PTK2: variants seen among roughly 807,000 people sequenced by gnomAD.
PTK2 encodes protein tyrosine kinase 2, also known as focal adhesion kinase 1.
In PTK2, 45 loss-of-function variants were observed where a neutral mutation model predicts 150.1. The ratio of observed to expected loss-of-function variants is 0.30; its 90% CI spans 0.24 to 0.38. The LOEUF is 0.38. PTK2 is among the 10% of genes least tolerant of loss of function. The pLI, the probability that PTK2 is intolerant of heterozygous loss-of-function variation, is 1.00. For synonymous variants in PTK2, 432 were observed against 449.2 expected (o/e 0.96, Z 0.48); for missense variants, 919 against 1,307.3 (o/e 0.70, Z 4.58).
At chr8:140,979,631 C>G (rs569068481) in intron 1 of PTK2, among the ~76,000 whole-genome samples, 4 of 152,152 alleles carry the variant, frequency 2.6e-5, no homozygotes, top group African/African-American at 7.2e-5. Flanking sequence ...GTGTCCCCAC[C>G]CAAATCTCAT....
chr8:140,900,989 C>T (rs1482530153), intron 2 of PTK2, among the ~76,000 whole-genome samples: 1 of 152,140 alleles, frequency 6.6e-6, no homozygotes, highest in Non-Finnish European at 1.5e-5. Flanking sequence ...GGAGACATTA[C>T]ACTACCTGAC....
At chr8:140,703,623 C>T (rs1417457964) in intron 24 of PTK2, among the ~76,000 whole-genome samples, 1 of 152,094 alleles carries the variant, frequency 6.6e-6, no homozygotes, top group African/African-American at 2.4e-5. Context: ...CAAAAATACA[C>T]AAAAAATCCC....
intron 2 of PTK2, among the ~76,000 whole-genome samples, chr8:140,892,200 T>C (rs1398723414): frequency 3.3e-5 from 5 of 151,722 alleles, no homozygotes; most frequent in Admixed American, 2.6e-4. Flanking sequence ...AGAGTGAGAC[T>C]GTCTCAAAAC....
At chr8:140,761,135 C>CT (rs772220673) in intron 16 of PTK2, 30 bp downstream of exon 19, 3 of 1,424,004 alleles carry the variant, frequency 2.1e-6, no homozygotes, top group African/African-American at 2.8e-5. Flanking sequence ...CAAAATTAGT[C>CT]TAGTTGTTTG....
chr8:140,686,759 G>C (rs2100020131), intron 26 of PTK2, 65 bp from the exon 30 acceptor site: 2 of 1,362,524 alleles, frequency 1.5e-6, no homozygotes, highest in African/African-American at 1.5e-5. Context: ...GACAGATTCT[G>C]TATTAAATTC....
intron 5 of PTK2, among the ~76,000 whole-genome samples, chr8:140,860,121 C>T (rs2100135188): frequency 6.6e-6 from 1 of 152,070 alleles, no homozygotes; most frequent in Non-Finnish European, 1.5e-5. Flanking sequence ...CTGTTAATAC[C>T]TTCCACATCC....
intron 1 of PTK2, among the ~76,000 whole-genome samples, chr8:140,944,853 T>C (rs2100177141): frequency 6.6e-6 from 1 of 152,238 alleles, no homozygotes; most frequent in Admixed American, 6.5e-5. Flanking sequence ...TCTTAGCATT[T>C]TGCTTCAGCA....
At chr8:140,736,322 G>T (rs2100052579) in intron 21 of PTK2, among the ~76,000 whole-genome samples, 2 of 152,064 alleles carry the variant, frequency 1.3e-5, no homozygotes, top group Admixed American at 1.3e-4. Context: ...TCTAAACCCT[G>T]GATACATATG....
rs752023035 is a variant in PTK2 at position 140,846,709 on chromosome 8, T to C, written c.451-31A>G. The C allele has an allele frequency of 1.2e-5, 18 of 1,519,394 alleles. No individual in the cohort carries two copies. The Admixed American group carries it at 2.7e-4, about 23-fold the overall frequency. The allele number at this position is 1,519,394 out of a possible 1,614,324, so 94.1% of individuals were successfully genotyped here. ...ACAAAAGGAATGGGAAAAACAACAC[T>C]GTTTTAAAAGAAAAATATTAGATAT... On this transcript the variant is annotated intron_variant, in intron 5 of 31. Transcript: ENST00000522684.
chr8:140,788,383 AAAAC>A (rs777685087), intron 14 of PTK2, among the ~76,000 whole-genome samples: 5 of 152,208 alleles, frequency 3.3e-5, no homozygotes, highest in African/African-American at 4.8e-5. Context: ...CACCATTAAA[AAAAC>A]AAACAAACAA....
At chr8:140,724,315 AT>A (rs2100044587) in intron 22 of PTK2, among the ~76,000 whole-genome samples, 1 of 152,138 alleles carries the variant, frequency 6.6e-6, no homozygotes, top group South Asian at 2.1e-4. Flanking sequence ...TTAGCTCTGT[AT>A]TTTACCTGCC....
chr8:140,800,612 G>A (rs763690232), intron 11 of PTK2, 36 bp from the exon 12 acceptor site: 1 of 1,514,380 alleles, frequency 6.6e-7, no homozygotes, highest in Admixed American at 1.7e-5. Flanking sequence ...AGACTTCATT[G>A]TTCTTCCCAG....
At chr8:140,922,953 A>G (rs2100168098) in intron 2 of PTK2, among the ~76,000 whole-genome samples, 1 of 152,170 alleles carries the variant, frequency 6.6e-6, no homozygotes, top group Admixed American at 6.5e-5. Context: ...GGTGGTGGTG[A>G]CTGGAGCTAA....
chr8:140,746,836 G>A, exon 18 of PTK2: 1 of 1,612,212 alleles, frequency 6.2e-7, no homozygotes, highest in East Asian at 2.2e-5. Flanking sequence ...CACAATATGA[G>A]GATGGTCAAA....
At chr8:140,764,739 C>T (rs957891275) in intron 14 of PTK2, among the ~76,000 whole-genome samples, 5 of 152,158 alleles carry the variant, frequency 3.3e-5, no homozygotes, top group African/African-American at 9.7e-5. Context: ...ATAATCTGAA[C>T]GGAACCTTTA....
intron 5 of PTK2, among the ~76,000 whole-genome samples, chr8:140,848,210 GAAGAT>G (rs1227313415): frequency 1.3e-5 from 2 of 152,158 alleles, no homozygotes; most frequent in African/African-American, 4.8e-5. Flanking sequence ...TTGTTACAGA[GAAGAT>G]AAAACACATC....
intron 1 of PTK2, among the ~76,000 whole-genome samples, chr8:141,000,054 A>G (rs1243765075): frequency 6.7e-6 from 1 of 148,872 alleles, no homozygotes; most frequent in Non-Finnish European, 1.5e-5. Flanking sequence ...CACTGAATTT[A>G]GCTACAAAAT....
intron 2 of PTK2, among the ~76,000 whole-genome samples, chr8:140,894,448 G>A (rs955264873): frequency 6.6e-6 from 1 of 152,150 alleles, no homozygotes; most frequent in Admixed American, 6.5e-5. Flanking sequence ...ATTCACTGCA[G>A]CCTTACAAAG....
At chr8:140,850,590 C>T (rs186781263) in intron 5 of PTK2, among the ~76,000 whole-genome samples, 2,514 of 150,516 alleles carry the variant, frequency 0.017, 69 homozygotes, top group African/African-American at 0.057. Context: ...ATTATCCGGG[C>T]GTGGTGGCAG....
Sources: gnomAD v4.1 joint callset for allele counts (sites outside exome capture counted in the v4.1 genomes callset) on GRCh38, gnomAD v4.1.1 for gene constraint, MANE v1.5 for transcripts, NCBI Gene and HGNC (gene_info 2026-07-23, HGNC 2026-07-21) for gene names.